The following ARHGAP23 variants were observed in gnomAD, a reference collection of about 807,000 sequenced individuals.
ARHGAP23 encodes Rho GTPase activating protein 23.
Under a neutral mutation model 136.3 loss-of-function variants are expected in ARHGAP23, and 34 were observed. The ratio of observed to expected loss-of-function variants is 0.25; its 90% confidence interval spans 0.19 to 0.33. The LOEUF is 0.33. Among genes scored for constraint, ARHGAP23 ranks in the 10% least tolerant of loss-of-function variants. The probability of loss-of-function intolerance (pLI) is 1.00; values close to 1 mark genes in which losing one functional copy is unlikely to be tolerated. For missense variants in ARHGAP23, 1,808 were observed against 2,139.0 expected, an observed-to-expected ratio of 0.85 and a Z score of 3.05; for synonymous variants, 832 against 920.5, an observed-to-expected ratio of 0.90 and a Z score of 1.74.
upstream of ARHGAP23, among the ~76,000 whole-genome samples, chr17:38,426,550 C>CAAAAAAAA (rs751365956): frequency 0.01 from 531 of 51,198 alleles, 35 homozygotes; most frequent in African/African-American, 0.029. Context: ...AACTCCATCT[C>CAAAAAAAA]AAAAAAAAAA....
chr17:38,489,846 C>T (rs896888070), intron 17 of ARHGAP23: 3 of 478,282 alleles, frequency 6.3e-6, no homozygotes, highest in African/African-American at 3.9e-5. Flanking sequence ...GCATGCAGCT[C>T]AGATGGTATT....
Position 38,510,635 on chromosome 17 carries a change from C to G in ARHGAP23, c.4139C>G (p.Ala1380Gly). 7.4e-7 allele frequency: 1 copy of G among 1,358,132 alleles called. No homozygotes were observed. The highest frequency in any genetic ancestry group is 9.4e-7 in the Non-Finnish European group (1 of 1,064,216). The allele number at this position is 1,358,132 out of a possible 1,614,324, so 84.1% of individuals were successfully genotyped here. Reference protein sequence around the residue: ...EALRLRLRGTADDMLAVRLRR... With the variant: ...EALRLRLRGTGDDMLAVRLRR... ...CTGCGTCTAAGGCTCCGCGGCACGG[C>G]GGACGACATGCTCGCCGTGCGCCTG... Residue 1380 changes from alanine to glycine, a missense_variant, in exon 24 of 24, where the codon GCG becomes GGG. Ala to Gly is a moderately conservative substitution (Grantham distance 60). Coordinates refer to ENST00000622683, the MANE Select transcript of ARHGAP23 (RefSeq NM_001199417.2). This position sits in a 1 kb window ranked among gnomAD's most constrained non-coding sequence, Gnocchi z 4.6.
intron 1 of ARHGAP23, among the ~76,000 whole-genome samples, chr17:38,449,442 C>G (rs1473027036): frequency 6.6e-6 from 1 of 152,230 alleles, no homozygotes; most frequent in Non-Finnish European, 1.5e-5. Flanking sequence ...GCTTGGCCGG[C>G]TCATCAACTT....
Position 38,466,182 on chromosome 17 carries a change from G to A in ARHGAP23, c.499G>A (p.Ala167Thr). 6.6e-7 allele frequency: 1 copy of A among 1,507,264 alleles called. No individual in the cohort carries two copies. Among genetic ancestry groups the A allele is most frequent in the Non-Finnish European group, 8.9e-7 (1 of 1,120,966 alleles). The allele number at this position is 1,507,264 out of a possible 1,614,324, so 93.4% of individuals were successfully genotyped here. Residue 167 changes from alanine (A) to threonine (T), a missense_variant, in exon 7 of 24, where the codon GCC (alanine) becomes ACC (threonine). Around this residue, in one of 7 missense-constraint regions of ARHGAP23, gnomAD observed 859 missense variants for 936.4 expected, o/e 0.92. Transcript: ENST00000622683. ...CTCTGGCCAGGCCTACTCCCAGGAT[G>A]CCTACCTGAAAGGGAACGAGCCGTA... Reference protein sequence around the residue: ...DILQLAYSQDAYLKGNEPYSG... With the variant: ...DILQLAYSQDTYLKGNEPYSG...
At chr17:38,480,423 G>A (rs2040007662) in intron 14 of ARHGAP23, among the ~76,000 whole-genome samples, 2 of 152,154 alleles carry the variant, frequency 1.3e-5, no homozygotes, top group Admixed American at 6.5e-5. Context: ...CACGAGGTCA[G>A]GAGATCGAGA....
chr17:38,464,834 C>T (rs1329342073), intron 6 of ARHGAP23, among the ~76,000 whole-genome samples: 1 of 152,212 alleles, frequency 6.6e-6, no homozygotes, highest in Non-Finnish European at 1.5e-5. Flanking sequence ...GCCCCCGCAT[C>T]TCTGCCAGCC....
chr17:38,498,189 T>C (rs943089469), intron 21 of ARHGAP23, among the ~76,000 whole-genome samples: 2 of 152,188 alleles, frequency 1.3e-5, no homozygotes, highest in African/African-American at 4.8e-5. Flanking sequence ...GGGGCCGCTC[T>C]GGCCTTCGCG....
chr17:38,467,212 A>T lies in ARHGAP23; in HGVS notation c.1529A>T (p.Asn510Ile). 1 of 1,550,888 alleles carries T rather than the reference A, an allele frequency of 6.4e-7. No homozygotes were observed. The highest frequency in any genetic ancestry group is 8.7e-7 in the Non-Finnish European group (1 of 1,146,672). Residue 510 changes from asparagine (N) to isoleucine (I), a missense_variant, in exon 7 of 24, where the codon AAC becomes ATC. By Grantham distance (149) the Asn-to-Ile change is moderately radical (BLOSUM62 -3). Coordinates refer to ENST00000622683, the MANE Select transcript of ARHGAP23 (RefSeq NM_001199417.2). ...CAGCTGACCCCCGCAAGACAGATGAACCTTGGATTTGGTGACGAGTCCCCA... is the reference window on the plus strand; with the variant it reads ...CAGCTGACCCCCGCAAGACAGATGATCCTTGGATTTGGTGACGAGTCCCCA... Reference protein sequence around the residue: ...KVQLTPARQMNLGFGDESPEP... With the variant: ...KVQLTPARQMILGFGDESPEP...
rs1292630207 is a variant in ARHGAP23 at position 38,481,467 on chromosome 17, A to G, written c.2630-555A>G. On this transcript the variant is annotated intron_variant, in intron 14 of 23. Coordinates refer to ENST00000622683, the MANE Select transcript of ARHGAP23 (RefSeq NM_001199417.2). ...CGGCCCACGCCCGGCTAATTTTTGT[A>G]TGTTTAGTAGAGACAGGGTTTTGCC... 3.3e-5 allele frequency among the ~76,000 whole-genome samples: 5 copies of G among 152,156 alleles called. No homozygotes were observed. The East Asian group carries it at 7.7e-4, about 23-fold the overall frequency.
At position 38,505,746 on chromosome 17, in the gene ARHGAP23, TG is replaced by T. The variant is rs202143120; in HGVS notation, c.3448-4196del. Among the ~76,000 whole-genome samples, 1,349 of 152,236 alleles carry T rather than the reference TG, an allele frequency of 8.9e-3. 20 individuals are homozygous for T. The highest frequency in any genetic ancestry group is 0.031 in the African/African-American group (1,284 of 41,532). ...GAATTTGAGACCAGCCTGGCCAATA[TG>T]GCAAAACCCCGTCTCTACTAAAAAT... On this transcript the variant is annotated intron_variant, in intron 23 of 23. Coordinates refer to ENST00000622683, the MANE Select transcript of ARHGAP23 (RefSeq NM_001199417.2).
intron 1 of ARHGAP23, among the ~76,000 whole-genome samples, chr17:38,432,471 G>C (rs1344659785): frequency 6.6e-6 from 1 of 152,210 alleles, no homozygotes; most frequent in Non-Finnish European, 1.5e-5. Context: ...CCTGAGGTCA[G>C]GAGTTTGAGA....
intron 1 of ARHGAP23, among the ~76,000 whole-genome samples, chr17:38,438,710 G>A (rs542025392): frequency 7.0e-4 from 107 of 152,144 alleles, no homozygotes; most frequent in African/African-American, 2.4e-3. Flanking sequence ...TTGGCTGGGC[G>A]TGGTGGCTCA....
At chr17:38,438,321 CAAAAAAA>C (rs34412310) in intron 1 of ARHGAP23, among the ~76,000 whole-genome samples, 3 of 115,956 alleles carry the variant, frequency 2.6e-5, no homozygotes, top group African/African-American at 1.0e-4. Flanking sequence ...GACTCCGTCT[CAAAAAAA>C]AAAAAAAAAA....
intron 17 of ARHGAP23, among the ~76,000 whole-genome samples, chr17:38,486,536 C>CTTTTTTT (rs34888986): frequency 7.9e-6 from 1 of 125,848 alleles, no homozygotes; most frequent in African/African-American, 3.0e-5. Context: ...ACCACGCTGG[C>CTTTTTTT]TTTTTTTTTT....
At chr17:38,424,736 A>G (rs1243508335), upstream of ARHGAP23, among the ~76,000 whole-genome samples, 1 of 152,172 alleles carries the variant, frequency 6.6e-6, no homozygotes, top group African/African-American at 2.4e-5. Flanking sequence ...TGGAGCCCAA[A>G]TGCCTGGGTT....
upstream of ARHGAP23, among the ~76,000 whole-genome samples, chr17:38,426,626 G>A (rs1016061121): frequency 1.3e-5 from 2 of 151,752 alleles, no homozygotes; most frequent in African/African-American, 4.8e-5. Flanking sequence ...TTCCAGAAGT[G>A]GAGGCTAATT....
intron 12 of ARHGAP23, 72 bp from the exon 13 acceptor site, chr17:38,479,364 G>T (rs2039975319): frequency 3.6e-6 from 5 of 1,385,926 alleles, no homozygotes; most frequent in Non-Finnish European, 5.0e-6. Context: ...GGGGAAGCAG[G>T]GCTAGGGATG....
At chr17:38,474,324 G>A (rs1353894939) in intron 11 of ARHGAP23, among the ~76,000 whole-genome samples, 1 of 152,206 alleles carries the variant, frequency 6.6e-6, no homozygotes, top group Non-Finnish European at 1.5e-5. Flanking sequence ...AGTGAGGCTG[G>A]GGGCCCTGAC....
At chr17:38,463,426 G>A in intron 6 of ARHGAP23, 44 bp downstream of exon 6, 1 of 1,549,010 alleles carries the variant, frequency 6.5e-7, no homozygotes, top group Non-Finnish European at 8.7e-7. Flanking sequence ...CCTGAGCCCT[G>A]GGGCAGCACC....
Sources: gnomAD v4.1 joint callset for allele counts (sites outside exome capture counted in the v4.1 genomes callset) on GRCh38, gnomAD v4.1.1 for gene constraint, gnomAD v4.1.1 regional missense constraint, Gnocchi (gnomAD v3.1) non-coding constraint, MANE v1.5 for transcripts, NCBI Gene and HGNC (gene_info 2026-07-23, HGNC 2026-07-21) for gene names.